COL23A1: variants seen among roughly 807,000 people sequenced by gnomAD.
COL23A1 encodes the protein collagen alpha-1(XXIII) chain.
A neutral mutation model predicts 99.3 loss-of-function variants in COL23A1; 97 were observed. That is an observed-to-expected ratio of 0.98 (90% CI 0.83 to 1.16). COL23A1 has a LOEUF of 1.16. Among genes scored for constraint, COL23A1 ranks in the 50% most tolerant of loss-of-function variants. The pLI, the probability that COL23A1 is intolerant of heterozygous loss-of-function variation, is 0.00. For missense variants in COL23A1, 762 were observed against 757.4 expected, an observed-to-expected ratio of 1.01 and a Z score of -0.07; for synonymous variants, 320 against 308.2, an observed-to-expected ratio of 1.04 and a Z score of -0.40.
intron 2 of COL23A1, among the ~76,000 whole-genome samples, chr5:178,490,730 C>G (rs1457382508): frequency 6.6e-6 from 1 of 152,096 alleles, no homozygotes; most frequent in Non-Finnish European, 1.5e-5. Flanking sequence ...TGAGCTATCA[C>G]TGTGCCACCG....
chr5:178,409,806 T>A (rs1764970892), intron 2 of COL23A1, among the ~76,000 whole-genome samples: 1 of 152,192 alleles, frequency 6.6e-6, no homozygotes, highest in African/African-American at 2.4e-5. Context: ...TGCTAAAGGA[T>A]AGATTGTTCA....
chr5:178,503,499 T>G (rs1178016669), intron 2 of COL23A1, among the ~76,000 whole-genome samples: 2 of 152,162 alleles, frequency 1.3e-5, no homozygotes, highest in Non-Finnish European at 2.9e-5. Flanking sequence ...TTCACTAAAG[T>G]TAGTGACCTT....
Position 178,326,142 on chromosome 5 carries a change from C to T in COL23A1, c.362-19223G>A, listed in dbSNP as rs559518122. On this transcript the variant is annotated intron_variant, in intron 2 of 28. Coordinates refer to ENST00000390654, the MANE Select transcript of COL23A1 (RefSeq NM_173465.4). Reference sequence around the variant, plus strand: ...GGAGTATTCTCATTGACCTCCATTTCAGGAAAGATCTCTTTCTGGAACACT... The same window carrying T: ...GGAGTATTCTCATTGACCTCCATTTTAGGAAAGATCTCTTTCTGGAACACT... 7.2e-5 allele frequency among the ~76,000 whole-genome samples: 11 copies of T among 152,268 alleles called. No individual in the cohort carries two copies. The South Asian group carries it at 2.1e-3, about 29-fold the overall frequency.
chr5:178,536,330 G>A (rs943088635), intron 2 of COL23A1, among the ~76,000 whole-genome samples: 2 of 152,246 alleles, frequency 1.3e-5, no homozygotes, highest in Non-Finnish European at 2.9e-5. Context: ...GGCGTGGAAA[G>A]CCCCAGTGGG....
chr5:178,577,245 C>T (rs968193899), intron 1 of COL23A1, among the ~76,000 whole-genome samples: 6 of 152,192 alleles, frequency 3.9e-5, no homozygotes, highest in Admixed American at 2.6e-4. Flanking sequence ...TGCTTCTTCC[C>T]GAGCCCTCTC....
At chr5:178,496,981 T>A (rs1056243308) in intron 2 of COL23A1, among the ~76,000 whole-genome samples, 2 of 152,194 alleles carry the variant, frequency 1.3e-5, no homozygotes, top group Non-Finnish European at 2.9e-5. Flanking sequence ...TCTGAGAGGA[T>A]CCTTGTCCTC....
At chr5:178,383,792 C>T (rs1451324020) in intron 2 of COL23A1, among the ~76,000 whole-genome samples, 4 of 151,870 alleles carry the variant, frequency 2.6e-5, no homozygotes, top group Non-Finnish European at 4.4e-5. Context: ...CTGGGAAAAC[C>T]GTGCATGACT....
intron 2 of COL23A1, among the ~76,000 whole-genome samples, chr5:178,529,736 C>T (rs773385145): frequency 5.9e-5 from 9 of 152,188 alleles, no homozygotes; most frequent in Non-Finnish European, 1.3e-4. Flanking sequence ...GTCTCCCCAG[C>T]GAAACTACAC....
chr5:178,291,364 A>T (rs1190589765), intron 3 of COL23A1, among the ~76,000 whole-genome samples: 1 of 152,236 alleles, frequency 6.6e-6, no homozygotes, highest in African/African-American at 2.4e-5. Context: ...CTGAGCAGAC[A>T]GATCCTTAAG....
intron 2 of COL23A1, among the ~76,000 whole-genome samples, chr5:178,355,482 G>T (rs181272107): frequency 1.2e-4 from 19 of 152,102 alleles, no homozygotes; most frequent in Non-Finnish European, 2.4e-4. Flanking sequence ...GTCTGTTCTC[G>T]CATTGCTATA....
At position 178,281,866 on chromosome 5, in the gene COL23A1, A is replaced by G. The variant is rs1186100318; in HGVS notation, c.441+6458T>C. Among the ~76,000 whole-genome samples the G allele has an allele frequency of 6.6e-6, 1 of 151,906 alleles. No homozygotes were observed. Among genetic ancestry groups the G allele is most frequent in the Non-Finnish European group, 1.5e-5 (1 of 67,982 alleles). On this transcript the variant is annotated intron_variant, in intron 5 of 28. Coordinates refer to ENST00000390654, the MANE Select transcript of COL23A1 (RefSeq NM_173465.4). This position sits in a 1 kb window ranked among gnomAD's most constrained non-coding sequence, Gnocchi z 4.0. ...GGAGTTTGAGACCAGCCTGTGCAACATGGCAAAACCCTGTGTCTATTAAAA... is the reference window on the plus strand; with the variant it reads ...GGAGTTTGAGACCAGCCTGTGCAACGTGGCAAAACCCTGTGTCTATTAAAA...
At chr5:178,362,854 C>T (rs907814794) in intron 2 of COL23A1, among the ~76,000 whole-genome samples, 13 of 151,952 alleles carry the variant, frequency 8.6e-5, no homozygotes, top group East Asian at 1.9e-4. Flanking sequence ...GCAGCCCGAC[C>T]CACCCTACAG....
rs67991007 is a variant in COL23A1, at chr5:178,309,702, ACC to A, written c.362-2785_362-2784del. On this transcript the variant is annotated intron_variant, in intron 2 of 28. Transcript: ENST00000390654. The surrounding 1 kb of genome is among the most constrained non-coding windows in gnomAD (Gnocchi z 4.7). ...CAGCACCCAAGCAGTCAAGCCAGAG[ACC>A]CCCCCCCGGGCATCATCCTGCCCCA... Among the ~76,000 whole-genome samples, 137 of 146,118 alleles carry A rather than the reference ACC, an allele frequency of 9.4e-4. 3 individuals carry two copies. The highest frequency in any genetic ancestry group is 6.2e-3 in the Admixed American group (92 of 14,794).
At chr5:178,379,246 A>T (rs922877228) in intron 2 of COL23A1, among the ~76,000 whole-genome samples, 1 of 152,164 alleles carries the variant, frequency 6.6e-6, no homozygotes, top group African/African-American at 2.4e-5. Context: ...ACTAAAAAAA[A>T]CCCTTATTCA....
chr5:178,247,950 T>C (rs1424787955), intron 20 of COL23A1, 119 bp from the exon 21 acceptor site: 1 of 936,122 alleles, frequency 1.1e-6, no homozygotes, highest in African/African-American at 1.7e-5. Flanking sequence ...GAGGGCAGAG[T>C]CTGGTGAGCA....
chr5:178,578,426 A>G (rs1763503258), intron 1 of COL23A1, among the ~76,000 whole-genome samples: 1 of 152,118 alleles, frequency 6.6e-6, no homozygotes, highest in African/African-American at 2.4e-5. Context: ...AGGAGGTAAT[A>G]TAACCGCCCA....
intron 2 of COL23A1, among the ~76,000 whole-genome samples, chr5:178,327,336 G>A (rs894434016): frequency 1.3e-5 from 2 of 152,154 alleles, no homozygotes; most frequent in South Asian, 2.1e-4. Context: ...CCTGGGTGTC[G>A]GGAAACGGGC....
intron 2 of COL23A1, among the ~76,000 whole-genome samples, chr5:178,327,036 A>T (rs1300931327): frequency 6.6e-6 from 1 of 152,202 alleles, no homozygotes; most frequent in African/African-American, 2.4e-5. Flanking sequence ...CTCAATTCTT[A>T]TTCGGGGGTG....
intron 2 of COL23A1, among the ~76,000 whole-genome samples, chr5:178,443,418 ATCT>A (rs574445615): frequency 4.7e-4 from 71 of 152,204 alleles, no homozygotes; most frequent in African/African-American, 1.7e-3. Flanking sequence ...AAAAACGAAA[ATCT>A]TCTTCTTCTG....
Sources: gnomAD v4.1 joint callset for allele counts (sites outside exome capture counted in the v4.1 genomes callset) on GRCh38, gnomAD v4.1.1 for gene constraint, Gnocchi (gnomAD v3.1) non-coding constraint, MANE v1.5 for transcripts, NCBI Gene and HGNC (gene_info 2026-07-23, HGNC 2026-07-21) for gene names.